Variants in SLC5A11 observed in about 807,000 individuals in gnomAD.
The protein encoded by SLC5A11 is solute carrier family 5 member 11, also known as sodium/myo-inositol cotransporter 2.
In SLC5A11, 48 loss-of-function variants were observed where a neutral mutation model predicts 69.8. The observed-to-expected ratio is 0.69, with a 90% CI of 0.55 to 0.87. The LOEUF is 0.87. Among genes scored for constraint, SLC5A11 ranks in the 40% least tolerant of loss-of-function variants. SLC5A11 has a pLI of 0.00. For missense variants in SLC5A11, 784 were observed against 866.1 expected, an observed-to-expected ratio of 0.91 and a Z score of 1.19; for synonymous variants, 319 against 342.4, an observed-to-expected ratio of 0.93 and a Z score of 0.75.
chr16:24,856,117 TGA>T (rs1249709941), intron 1 of SLC5A11, among the ~76,000 whole-genome samples: 1 of 152,156 alleles, frequency 6.6e-6, no homozygotes, highest in Admixed American at 6.5e-5. Flanking sequence ...TCAAAATGTA[TGA>T]GAGCATTTTT....
intron 1 of SLC5A11, among the ~76,000 whole-genome samples, chr16:24,849,831 T>C (rs564332194): frequency 6.6e-6 from 1 of 151,792 alleles, no homozygotes; most frequent in South Asian, 2.1e-4. Flanking sequence ...TGCCCTGCCA[T>C]GCCTAGAATT....
chr16:24,896,470 G>A (rs958771117), intron 9 of SLC5A11, among the ~76,000 whole-genome samples: 1 of 151,822 alleles, frequency 6.6e-6, no homozygotes, highest in African/African-American at 2.4e-5. Flanking sequence ...ATTTCAGCCT[G>A]GGCAACAGAG....
chr16:24,871,051 AATG>A (rs1418964948), intron 4 of SLC5A11, among the ~76,000 whole-genome samples: 2 of 152,118 alleles, frequency 1.3e-5, no homozygotes, highest in African/African-American at 4.8e-5. Flanking sequence ...GATTATTAAT[AATG>A]ATCATTGCCT....
chr16:24,862,543 T>G, intron 2 of SLC5A11, 58 bp from the exon 4 acceptor site: 21 of 1,496,082 alleles, frequency 1.4e-5, no homozygotes, highest in Non-Finnish European at 1.7e-5. Context: ...TAGGCCATTT[T>G]GAGATGCCTC....
At chr16:24,855,879 A>T (rs917010754) in intron 1 of SLC5A11, among the ~76,000 whole-genome samples, 3 of 152,160 alleles carry the variant, frequency 2.0e-5, no homozygotes. Flanking sequence ...CAAATTACAC[A>T]GTCTAAGGTA....
intron 1 of SLC5A11, among the ~76,000 whole-genome samples, chr16:24,856,597 C>CAAAAAAAAAAAAAAAAAAA (rs35867622): frequency 2.3e-5 from 2 of 88,830 alleles, no homozygotes; most frequent in Non-Finnish European, 4.2e-5. Context: ...ACTAAAAATA[C>CAAAAAAAAAAAAAAAAAAA]AAAAAAAAAA....
intron 10 of SLC5A11, among the ~76,000 whole-genome samples, chr16:24,902,361 G>A (rs1380282589): frequency 3.3e-5 from 5 of 152,048 alleles, no homozygotes; most frequent in African/African-American, 4.8e-5. Context: ...TCACTCCTAA[G>A]CTAAGTGACT....
At chr16:24,882,185 C>T (rs370858772) in intron 7 of SLC5A11, among the ~76,000 whole-genome samples, 4 of 152,226 alleles carry the variant, frequency 2.6e-5, no homozygotes, top group South Asian at 2.1e-4. Context: ...ATCCCTACCA[C>T]GTAGAACTTG....
chr16:24,873,456 C>T (rs2047466434), intron 5 of SLC5A11, among the ~76,000 whole-genome samples: 1 of 151,900 alleles, frequency 6.6e-6, no homozygotes, highest in Non-Finnish European at 1.5e-5. Flanking sequence ...CACAGTGAGA[C>T]CCCCATCTCT....
At chr16:24,890,483 C>CAAAAAAAAAAA (rs1171814653) in intron 8 of SLC5A11, among the ~76,000 whole-genome samples, 4 of 77,522 alleles carry the variant, frequency 5.2e-5, no homozygotes, top group Admixed American at 1.7e-4. Context: ...GACTTCATAT[C>CAAAAAAAAAAA]AAAAAAAAAA....
chr16:24,905,178 C>G (rs1032472756), intron 10 of SLC5A11, among the ~76,000 whole-genome samples: 1 of 148,926 alleles, frequency 6.7e-6, no homozygotes, highest in Non-Finnish European at 1.5e-5. Flanking sequence ...AATCCCAGCA[C>G]TTTGGGAAGC....
rs1027570498 is a variant in SLC5A11 at position 24,895,146 on chromosome 16, A to G, written c.871-2828A>G. 1.1e-4 allele frequency among the ~76,000 whole-genome samples: 17 copies of G among 151,590 alleles called. 1 individual carries two copies. The highest frequency in any genetic ancestry group is 2.0e-4 in the Admixed American group (3 of 15,238). On this transcript the variant is annotated intron_variant, in intron 9 of 15. Coordinates refer to ENST00000347898, the Ensembl canonical transcript of SLC5A11. ...CCTCAGAAAAAAAGAAAGAAAGAAA[A>G]AAAAAAGAACCATCCGACTACTCTC... is the stretch of plus-strand genomic sequence containing the variant.
At chr16:24,861,279 G>A (rs902869819) in intron 2 of SLC5A11, among the ~76,000 whole-genome samples, 23 of 151,900 alleles carry the variant, frequency 1.5e-4, no homozygotes, top group African/African-American at 5.3e-4. Flanking sequence ...AGCTCAGTTC[G>A]AGACCAGCCT....
chr16:24,877,754 G>A (rs1303026399), intron 7 of SLC5A11, among the ~76,000 whole-genome samples: 1 of 152,138 alleles, frequency 6.6e-6, no homozygotes, highest in African/African-American at 2.4e-5. Context: ...GGGAGGCCAA[G>A]GTGGGTGGAT....
Position 24,872,285 on chromosome 16 carries a change from C to A in SLC5A11, c.372+66C>A, listed in dbSNP as rs1485445318. On this transcript the variant is annotated intron_variant, in intron 5 of 15. Coordinates refer to ENST00000347898, the Ensembl canonical transcript of SLC5A11. Reference sequence around the variant, plus strand: ...GCTTTGGGAATCTCAGCCCTGCAGTCCCTCCCTCATCCCGCCATCCCTCCC... The same window carrying A: ...GCTTTGGGAATCTCAGCCCTGCAGTACCTCCCTCATCCCGCCATCCCTCCC... 1.9e-6 allele frequency: 3 copies of A among 1,565,238 alleles called. No homozygotes were observed. The African/African-American group carries it at 4.1e-5, about 21-fold the overall frequency.
rs1567587322 is a variant in SLC5A11 at position 24,862,950 on chromosome 16, C to CATAATTATATATTATATAAT, written c.207+281_207+282insATTATATATTATATAATATA. On this transcript the variant is annotated intron_variant, in intron 3 of 15. Coordinates refer to ENST00000347898, the Ensembl canonical transcript of SLC5A11. ...AATATATATTATATAAAATATATAA[C>CATAATTATATATTATATAAT]ATATAATTATATATTATATAATATA... Among the ~76,000 whole-genome samples, 6 of 130,768 alleles carry CATAATTATATATTATATAAT rather than the reference C, an allele frequency of 4.6e-5. No homozygotes were observed. The Middle Eastern group carries it at 0.013, about 275-fold the overall frequency. 85.8% of individuals were successfully genotyped at this position (130,768 alleles called of 152,430 possible).
intron 3 of SLC5A11, among the ~76,000 whole-genome samples, chr16:24,867,856 G>T (rs73553427): frequency 1.3e-5 from 2 of 152,184 alleles, no homozygotes; most frequent in East Asian, 1.9e-4. Context: ...GTAAAGACAG[G>T]CCAAGCACAG....
intron 10 of SLC5A11, among the ~76,000 whole-genome samples, chr16:24,900,833 G>T (rs1379181265): frequency 6.6e-6 from 1 of 150,974 alleles, no homozygotes; most frequent in Admixed American, 6.6e-5. Flanking sequence ...CAGGAGAATT[G>T]CTTGAGCCCA....
At chr16:24,907,120 C>G (rs1567699916) in exon 12 of SLC5A11, 5 of 1,614,134 alleles carry the variant, frequency 3.1e-6, no homozygotes, top group Non-Finnish European at 4.2e-6. Context: ...CACCATGGAC[C>G]TCTGGAATCA....
Sources: allele counts gnomAD v4.1 joint callset (sites outside exome capture counted in the v4.1 genomes callset), GRCh38; gene constraint gnomAD v4.1.1; transcripts MANE v1.5; gene names NCBI Gene and HGNC (gene_info 2026-07-23, HGNC 2026-07-21).